Variants in TNIK observed in about 807,000 individuals in gnomAD.
TNIK encodes TRAF2 and NCK interacting kinase.
Under a neutral mutation model 191.3 loss-of-function variants are expected in TNIK, and 49 were observed. That is an observed-to-expected ratio of 0.26 (90% CI 0.20 to 0.32). The LOEUF (loss-of-function observed/expected upper bound fraction) is 0.32. TNIK is among the 10% of genes least tolerant of loss of function. The pLI is 1.00. For synonymous variants in TNIK, 594 were observed against 600.9 expected (o/e 0.99, Z 0.17); for missense variants, 1,155 against 1,702.3 (o/e 0.68, Z 5.66).
intron 2 of TNIK, among the ~76,000 whole-genome samples, chr3:171,345,955 T>C (rs960304450): frequency 3.3e-5 from 5 of 151,978 alleles, no homozygotes; most frequent in African/African-American, 4.8e-5. Context: ...AATGGATGGA[T>C]GGATGGTAGA....
At chr3:171,434,945 T>G (rs1725854265) in intron 1 of TNIK, among the ~76,000 whole-genome samples, 1 of 152,100 alleles carries the variant, frequency 6.6e-6, no homozygotes, top group Non-Finnish European at 1.5e-5. Context: ...AACACACAAC[T>G]GAGAGTGGCT....
At chr3:171,151,374 C>T (rs1732413448) in intron 12 of TNIK, among the ~76,000 whole-genome samples, 1 of 152,132 alleles carries the variant, frequency 6.6e-6, no homozygotes, top group African/African-American at 2.4e-5. Flanking sequence ...TTAATAAATC[C>T]AAAAAGGTTT....
chr3:171,440,619 T>C (rs528067862), intron 1 of TNIK, among the ~76,000 whole-genome samples: 1 of 152,204 alleles, frequency 6.6e-6, no homozygotes, highest in Non-Finnish European at 1.5e-5. Flanking sequence ...TAGCCTATGC[T>C]GTAAGTCACG....
intron 3 of TNIK, among the ~76,000 whole-genome samples, chr3:171,213,304 G>A (rs1004384979): frequency 6.6e-6 from 1 of 151,760 alleles, no homozygotes; most frequent in Admixed American, 6.6e-5. Flanking sequence ...TAGAAAGGGA[G>A]AAAAACGACC....
intron 1 of TNIK, among the ~76,000 whole-genome samples, chr3:171,423,543 G>A (rs1474168517): frequency 1.3e-5 from 2 of 152,090 alleles, no homozygotes; most frequent in Non-Finnish European, 2.9e-5. Context: ...TAAGCCAAAA[G>A]AACAAAGCTG....
intron 1 of TNIK, among the ~76,000 whole-genome samples, chr3:171,400,246 G>A (rs1269283026): frequency 6.6e-6 from 1 of 152,030 alleles, no homozygotes; most frequent in African/African-American, 2.4e-5. Flanking sequence ...AATTTCCCCT[G>A]GTGTTCTCAT....
intron 1 of TNIK, among the ~76,000 whole-genome samples, chr3:171,371,775 G>GA (rs1376642335): frequency 1.3e-4 from 20 of 150,454 alleles, no homozygotes; most frequent in South Asian, 2.1e-4. Context: ...ATGAGGAAAA[G>GA]AAAAAAAAAG....
chr3:171,116,641 G>T (rs1453140872), intron 18 of TNIK, among the ~76,000 whole-genome samples: 16 of 152,194 alleles, frequency 1.1e-4, no homozygotes, highest in Non-Finnish European at 1.8e-4. Flanking sequence ...AAATAGGTTT[G>T]GGATGGGACA....
intron 2 of TNIK, among the ~76,000 whole-genome samples, chr3:171,256,952 A>G (rs562530688): frequency 6.6e-6 from 1 of 152,330 alleles, no homozygotes; most frequent in Admixed American, 6.5e-5. Context: ...GCTGAGAGAC[A>G]GGTCTACTTC....
chr3:171,076,563 C>G (rs947950980), intron 28 of TNIK, among the ~76,000 whole-genome samples: 1 of 152,124 alleles, frequency 6.6e-6, no homozygotes, highest in African/African-American at 2.4e-5. Context: ...TATTGTCATT[C>G]TTTATGTTAA....
intron 21 of TNIK, among the ~76,000 whole-genome samples, chr3:171,106,044 CCTT>C (rs1724805834): frequency 6.6e-6 from 1 of 152,174 alleles, no homozygotes; most frequent in Admixed American, 6.5e-5. Flanking sequence ...AAGCAACAAT[CCTT>C]CAACTATGAT....
intron 14 of TNIK, 55 bp from the exon 15 acceptor site, chr3:171,138,434 C>A: frequency 3.5e-6 from 5 of 1,446,910 alleles, no homozygotes; most frequent in Non-Finnish European, 3.6e-6. Flanking sequence ...ACATAGAAAT[C>A]ATCGGCCAGT....
Position 171,460,059 on chromosome 3 carries a change from G to A in TNIK, c.5C>T (p.Ala2Val). The change falls in exon 1 of 33, where the codon GCG becomes GTG. Residue 2 changes from alanine to valine, a missense_variant. By Grantham distance (64) the Ala-to-Val change is moderately conservative. This residue lies in a region of TNIK where 225 missense variants were observed against 438.9 expected (regional missense o/e 0.51). Coordinates refer to ENST00000436636, the MANE Select transcript of TNIK (RefSeq NM_015028.4). The surrounding 1 kb of genome is among the most constrained non-coding windows in gnomAD (Gnocchi z 6.8). Reference protein sequence around the residue: MASDSPARSLDE... With the variant: MVSDSPARSLDE... ...CAGGCTTCGAGCCGGGGAGTCGCTC[G>A]CCATGTCTACTTCTTCGCTGGAGAA... The A allele has an allele frequency of 6.2e-7, 1 of 1,606,696 alleles. No homozygotes were observed. Among genetic ancestry groups the A allele is most frequent in the Admixed American group, 1.7e-5 (1 of 59,240 alleles).
chr3:171,122,597 T>C (rs1257553527), intron 18 of TNIK, among the ~76,000 whole-genome samples: 1 of 152,242 alleles, frequency 6.6e-6, no homozygotes, highest in East Asian at 1.9e-4. Context: ...AGGCTTTTCA[T>C]GTGAAGAGGA....
chr3:171,376,036 T>A (rs766186569), intron 1 of TNIK, among the ~76,000 whole-genome samples: 1 of 152,196 alleles, frequency 6.6e-6, no homozygotes, highest in Non-Finnish European at 1.5e-5. Flanking sequence ...GCCAAACGAC[T>A]GTGCTTACTC....
chr3:171,272,053 A>G (rs574010104), intron 2 of TNIK, among the ~76,000 whole-genome samples: 2 of 152,332 alleles, frequency 1.3e-5, no homozygotes, highest in Middle Eastern at 6.8e-3. Context: ...AGGAGTCCAT[A>G]TGATTATAGC....
intron 8 of TNIK, among the ~76,000 whole-genome samples, chr3:171,175,880 A>G (rs1445370250): frequency 6.6e-6 from 1 of 152,176 alleles, no homozygotes; most frequent in African/African-American, 2.4e-5. Flanking sequence ...AGGTTTCGTA[A>G]CGGGTTTTGT....
intron 1 of TNIK, among the ~76,000 whole-genome samples, chr3:171,422,306 C>A (rs1723917063): frequency 6.6e-6 from 1 of 151,932 alleles, no homozygotes; most frequent in Non-Finnish European, 1.5e-5. Flanking sequence ...AAAAGACATA[C>A]ATAAATAAAA....
intron 23 of TNIK, 88 bp downstream of exon 23, chr3:171,093,751 C>T (rs1458711569): frequency 6.6e-7 from 1 of 1,517,818 alleles, no homozygotes; most frequent in East Asian, 2.4e-5. Flanking sequence ...ACTTAAAATA[C>T]ATGCCATAGG....
Sources: allele counts gnomAD v4.1 joint callset (sites outside exome capture counted in the v4.1 genomes callset), GRCh38; gene constraint gnomAD v4.1.1; regional missense constraint gnomAD v4.1.1; non-coding constraint Gnocchi (gnomAD v3.1); transcripts MANE v1.5; gene names NCBI Gene and HGNC (gene_info 2026-07-23, HGNC 2026-07-21).